The following DPF3 variants were observed in gnomAD, a reference collection of about 807,000 sequenced individuals.
DPF3 encodes double PHD fingers 3.
DPF3 carries 18 observed loss-of-function variants against 56.8 expected under a neutral mutation model. That is an observed-to-expected ratio of 0.32 (90% confidence interval 0.22 to 0.47). DPF3 has a LOEUF of 0.47. Ranked by LOEUF, DPF3 falls within the 20% of genes least tolerant of loss-of-function variation. DPF3 has a pLI of 1.00. For synonymous variants in DPF3, 188 were observed against 180.2 expected, an observed-to-expected ratio of 1.04 and a Z score of -0.35; for missense variants, 403 against 488.8, an observed-to-expected ratio of 0.82 and a Z score of 1.65.
At chr14:72,634,955 T>C (rs952545817) in intron 8 of DPF3, among the ~76,000 whole-genome samples, 2 of 152,178 alleles carry the variant, frequency 1.3e-5, no homozygotes, top group African/African-American at 4.8e-5. Context: ...AAAAACCTAG[T>C]CCTTCCCGGA....
intron 1 of DPF3, among the ~76,000 whole-genome samples, chr14:72,783,334 C>A (rs1461971195): frequency 6.6e-6 from 1 of 152,326 alleles, no homozygotes; most frequent in East Asian, 1.9e-4. Flanking sequence ...TCATCAGATT[C>A]CCAGCCCCCA....
At chr14:72,692,277 G>A (rs963186389) in intron 7 of DPF3, among the ~76,000 whole-genome samples, 2 of 152,182 alleles carry the variant, frequency 1.3e-5, no homozygotes, top group East Asian at 3.9e-4. Context: ...AGAGATCTCA[G>A]TGTGGCCCAC....
intron 1 of DPF3, among the ~76,000 whole-genome samples, chr14:72,823,185 G>T (rs1351307056): frequency 6.6e-6 from 1 of 152,198 alleles, no homozygotes; most frequent in Non-Finnish European, 1.5e-5. Context: ...CAGCTAGCTG[G>T]ACGCCATCTG....
chr14:72,893,938 C>T (rs957453648), intron 1 of DPF3, 119 bp downstream of exon 1: 3 of 1,163,894 alleles, frequency 2.6e-6, no homozygotes, highest in African/African-American at 3.1e-5. Context: ...AGAGAGAAGC[C>T]CCGCCGCGGC....
At chr14:72,819,143 T>C (rs12434673) in intron 1 of DPF3, among the ~76,000 whole-genome samples, 14,227 of 152,188 alleles carry the variant, frequency 0.093, 817 homozygotes, top group Admixed American at 0.18. Context: ...AAAACTACAG[T>C]AAGCTACCGT....
intron 2 of DPF3, among the ~76,000 whole-genome samples, chr14:72,757,947 G>A (rs529298197): frequency 3.7e-4 from 56 of 151,330 alleles, no homozygotes; most frequent in African/African-American, 1.3e-3. Flanking sequence ...TTTTTTATGG[G>A]GGTATAAGCC....
chr14:72,696,040 T>C (rs1887886748), intron 6 of DPF3, among the ~76,000 whole-genome samples: 3 of 152,192 alleles, frequency 2.0e-5, no homozygotes, highest in African/African-American at 4.8e-5. Flanking sequence ...TTTTTCTATT[T>C]AGCTTTTTAG....
At position 72,618,066 on chromosome 14, in the gene DPF3, T is replaced by TC. The variant is rs1316013605; in HGVS notation, c.*1230_*1231insG. The stretch of plus-strand genomic sequence containing the variant: ...CTCTTTCTTCTAGACACATTTTTTT[T>TC]TGAAAACAAGAGTCCTGCATGTTTG... On this transcript the variant is annotated 3_prime_UTR_variant, in exon 11 of 11. Transcript: ENST00000556509. Among the ~76,000 whole-genome samples the TC allele has an allele frequency of 6.6e-6, 1 of 151,796 alleles. No homozygotes were observed. The highest frequency in any genetic ancestry group is 2.4e-5 in the African/African-American group (1 of 41,326).
intron 1 of DPF3, among the ~76,000 whole-genome samples, chr14:72,823,877 T>C (rs1349358120): frequency 6.6e-6 from 1 of 152,122 alleles, no homozygotes; most frequent in Non-Finnish European, 1.5e-5. Flanking sequence ...GATCTATGCT[T>C]AGGGAGCTCA....
intron 8 of DPF3, among the ~76,000 whole-genome samples, chr14:72,643,310 G>C (rs1486833334): frequency 6.6e-6 from 1 of 152,186 alleles, no homozygotes; most frequent in Non-Finnish European, 1.5e-5. Flanking sequence ...ACCACATAAG[G>C]GTGAACTAGC....
At chr14:72,863,599 C>T (rs78581351) in intron 1 of DPF3, among the ~76,000 whole-genome samples, 247 of 148,860 alleles carry the variant, frequency 1.7e-3, no homozygotes, top group African/African-American at 5.7e-3. Flanking sequence ...GAAAAGGGCA[C>T]GTGTGTCTGC....
intron 7 of DPF3, among the ~76,000 whole-genome samples, chr14:72,691,457 G>A (rs1006982852): frequency 3.3e-5 from 5 of 152,172 alleles, no homozygotes; most frequent in African/African-American, 4.8e-5. Flanking sequence ...GGCTGGGCGT[G>A]GTGGCTCACA....
intron 5 of DPF3, 113 bp from the exon 6 acceptor site, chr14:72,714,614 C>T: frequency 1.3e-5 from 16 of 1,189,390 alleles, no homozygotes; most frequent in Non-Finnish European, 1.9e-5. Context: ...TGTGCCAACA[C>T]CAGTCCCATC....
At chr14:72,785,372 T>C (rs896231405) in intron 1 of DPF3, among the ~76,000 whole-genome samples, 1 of 152,186 alleles carries the variant, frequency 6.6e-6, no homozygotes, top group Admixed American at 6.5e-5. Flanking sequence ...ACTTTACAGA[T>C]TGGCAAACTG....
In DPF3 at chr14:72,731,901, G is replaced by A. The variant is rs1889669756; in HGVS notation, c.335C>T (p.Thr112Ile). 11 of 1,601,010 alleles carry A rather than the reference G, an allele frequency of 6.9e-6. No individual in the cohort carries two copies. The highest frequency in any genetic ancestry group is 1.3e-5 in the African/African-American group (1 of 74,598). Residue 112 changes from threonine (T) to isoleucine (I), a missense_variant, in exon 4 of 11, where the codon ACC becomes ATC. Thr to Ile is a moderately conservative substitution (Grantham distance 89). Transcript: ENST00000556509. Reference protein sequence around the residue: ...VELPLKKDGFTSESTTLEALL... With the variant: ...VELPLKKDGFISESTTLEALL... ...GGCTTCCAGCGTGGTGCTCTCTGAG[G>A]TGAACCCATCCTTCTTCAGGGGAAG...
intron 1 of DPF3, among the ~76,000 whole-genome samples, chr14:72,892,860 T>C (rs1886808939): frequency 6.6e-6 from 1 of 151,894 alleles, no homozygotes; most frequent in South Asian, 2.1e-4. Context: ...ATAGCACCCC[T>C]TTCAGAGCGA....
At chr14:72,665,276 C>A (rs1172350445) in intron 8 of DPF3, among the ~76,000 whole-genome samples, 3 of 152,174 alleles carry the variant, frequency 2.0e-5, no homozygotes, top group Admixed American at 6.5e-5. Context: ...ATTCATTGCC[C>A]CATGTTTAAT....
rs1416189205 is a variant in DPF3, at chr14:72,613,266, C to T, written c.*6031G>A. On this transcript the variant is annotated 3_prime_UTR_variant, in exon 11 of 11. Coordinates refer to ENST00000556509, the MANE Select transcript of DPF3 (RefSeq NM_001280542.3). ...CTACAAGGCCCACTTACCTGCCCTCCCGTCCCCACCATGGCCGCGTTTATT... is the reference window on the plus strand; with the variant it reads ...CTACAAGGCCCACTTACCTGCCCTCTCGTCCCCACCATGGCCGCGTTTATT... 6.6e-6 allele frequency among the ~76,000 whole-genome samples: 1 copy of T among 152,170 alleles called. No homozygotes were observed. The highest frequency in any genetic ancestry group is 1.5e-5 in the Non-Finnish European group (1 of 68,024).
intron 1 of DPF3, among the ~76,000 whole-genome samples, chr14:72,861,771 G>GAAAGA (rs1385774424): frequency 8.1e-5 from 12 of 147,242 alleles, no homozygotes; most frequent in Middle Eastern, 3.4e-3. Flanking sequence ...AAGAAAGAAA[G>GAAAGA]AAAGAAAGAA....
Sources: gnomAD v4.1 joint callset for allele counts (sites outside exome capture counted in the v4.1 genomes callset) on GRCh38, gnomAD v4.1.1 for gene constraint, MANE v1.5 for transcripts, NCBI Gene and HGNC (gene_info 2026-07-23, HGNC 2026-07-21) for gene names.